Variants in NKAIN2 observed in about 807,000 individuals in gnomAD.
NKAIN2 encodes sodium/potassium-transporting ATPase subunit beta-1-interacting protein 2.
NKAIN2 carries 14 observed loss-of-function variants against 32.6 expected under a neutral mutation model. The ratio of observed to expected loss-of-function variants is 0.43; its 90% CI spans 0.28 to 0.67. NKAIN2 has a LOEUF of 0.67. Ranked by LOEUF, NKAIN2 falls within the 30% of genes least tolerant of loss-of-function variation. NKAIN2 has a pLI of 0.17. For synonymous variants in NKAIN2, 80 were observed against 87.2 expected, an observed-to-expected ratio of 0.92 and a Z score of 0.46; for missense variants, 198 against 258.3, an observed-to-expected ratio of 0.77 and a Z score of 1.60.
chr6:124,248,864 G>C (rs1020462311), intron 1 of NKAIN2, among the ~76,000 whole-genome samples: 2 of 152,086 alleles, frequency 1.3e-5, no homozygotes, highest in African/African-American at 2.4e-5. Context: ...ACAGGATAAG[G>C]AAAGGGCAAA....
chr6:124,727,095 A>G (rs994384084), intron 4 of NKAIN2, among the ~76,000 whole-genome samples: 26 of 152,274 alleles, frequency 1.7e-4, no homozygotes, highest in African/African-American at 5.1e-4. Context: ...TGTACCTGAA[A>G]GTGAAGTGGA....
At chr6:123,886,114 A>C (rs1353114040) in intron 1 of NKAIN2, among the ~76,000 whole-genome samples, 1 of 152,112 alleles carries the variant, frequency 6.6e-6, no homozygotes, top group Admixed American at 6.6e-5. Flanking sequence ...GAACAAAGGC[A>C]TGCACTTTAG....
At chr6:124,810,482 G>C (rs1427158682) in intron 5 of NKAIN2, among the ~76,000 whole-genome samples, 1 of 152,026 alleles carries the variant, frequency 6.6e-6, no homozygotes, top group Non-Finnish European at 1.5e-5. Flanking sequence ...GAGGACTGTT[G>C]TGGGGTGGGG....
At chr6:123,983,733 GTA>G (rs10589992) in intron 1 of NKAIN2, among the ~76,000 whole-genome samples, 3,125 of 80,418 alleles carry the variant, frequency 0.039, 107 homozygotes, top group African/African-American at 0.14. Context: ...CCAAGTTATG[GTA>G]TATATATATA....
chr6:123,990,286 G>C (rs752998695), intron 1 of NKAIN2, among the ~76,000 whole-genome samples: 1 of 152,264 alleles, frequency 6.6e-6, no homozygotes, highest in Admixed American at 6.5e-5. Flanking sequence ...CCAGCAAAAC[G>C]TGTAGTTTGT....
At chr6:124,461,293 C>T (rs146398970) in intron 3 of NKAIN2, among the ~76,000 whole-genome samples, 15 of 151,706 alleles carry the variant, frequency 9.9e-5, no homozygotes, top group African/African-American at 3.4e-4. Context: ...TTAATTGTGA[C>T]CGTGTGTGTG....
chr6:124,135,515 TAAAAAAAAA>T (rs56183476), intron 1 of NKAIN2, among the ~76,000 whole-genome samples: 2 of 100,408 alleles, frequency 2.0e-5, no homozygotes, highest in African/African-American at 7.9e-5. Flanking sequence ...GCAACGATAG[TAAAAAAAAA>T]AAAAAAAAAA....
At chr6:124,300,178 G>A (rs562461600) in intron 2 of NKAIN2, among the ~76,000 whole-genome samples, 2 of 152,112 alleles carry the variant, frequency 1.3e-5, no homozygotes, top group Non-Finnish European at 2.9e-5. Flanking sequence ...GTGTCAAGTG[G>A]GGGGGCCAGG....
At chr6:124,328,891 G>A (rs571216158) in intron 2 of NKAIN2, among the ~76,000 whole-genome samples, 143 of 152,234 alleles carry the variant, frequency 9.4e-4, no homozygotes, top group Non-Finnish European at 1.1e-3. Context: ...CACACCACAG[G>A]ATTCTCTTTT....
At chr6:124,380,137 C>T (rs965764797) in intron 3 of NKAIN2, among the ~76,000 whole-genome samples, 20 of 152,094 alleles carry the variant, frequency 1.3e-4, no homozygotes, top group Admixed American at 1.2e-3. Context: ...GGGCAGCCAC[C>T]GCAGCCACAC....
At chr6:124,576,448 T>C (rs947990051) in intron 3 of NKAIN2, among the ~76,000 whole-genome samples, 2 of 152,188 alleles carry the variant, frequency 1.3e-5, no homozygotes, top group African/African-American at 4.8e-5. Flanking sequence ...GTTAGAATTT[T>C]GGAAAAGTCA....
chr6:124,078,037 T>C (rs1007599771), intron 1 of NKAIN2, among the ~76,000 whole-genome samples: 2 of 152,238 alleles, frequency 1.3e-5, no homozygotes, highest in South Asian at 4.1e-4. Flanking sequence ...AATTGTATTT[T>C]TGCCTCAGTC....
chr6:124,261,088 A>C (rs1178872912), intron 1 of NKAIN2, among the ~76,000 whole-genome samples: 1 of 152,178 alleles, frequency 6.6e-6, no homozygotes, highest in Non-Finnish European at 1.5e-5. Context: ...ATAGAGATGG[A>C]AAAATAGCAT....
intron 3 of NKAIN2, among the ~76,000 whole-genome samples, chr6:124,583,864 A>C (rs753063500): frequency 6.6e-6 from 1 of 152,226 alleles, no homozygotes; most frequent in Admixed American, 6.5e-5. Context: ...TTCATTTTCC[A>C]TAAAGGTGCC....
intron 1 of NKAIN2, among the ~76,000 whole-genome samples, chr6:123,919,496 T>C (rs1297780464): frequency 6.6e-6 from 1 of 152,160 alleles, no homozygotes; most frequent in Non-Finnish European, 1.5e-5. Flanking sequence ...AGTAATTAGC[T>C]GTTGTTTAAT....
intron 4 of NKAIN2, among the ~76,000 whole-genome samples, chr6:124,748,504 G>A (rs1335078252): frequency 2.0e-5 from 3 of 151,910 alleles, no homozygotes; most frequent in African/African-American, 7.2e-5. Flanking sequence ...CCACCTGCTT[G>A]TCCCAAAGAG....
intron 3 of NKAIN2, among the ~76,000 whole-genome samples, chr6:124,625,198 T>C (rs902807645): frequency 2.0e-5 from 3 of 152,184 alleles, no homozygotes; most frequent in Non-Finnish European, 2.9e-5. Context: ...AATATGAACA[T>C]AAATTGTGAA....
At position 123,869,909 on chromosome 6, in the gene NKAIN2, G is replaced by A. The variant is rs796619973; in HGVS notation, c.54+65655G>A. The stretch of plus-strand genomic sequence containing the variant: ...AAAAATAGGCTGTCTAAATGGACTT[G>A]TGCCTGATTTTCCACAAAAGTCTTT... On this transcript the variant is annotated intron_variant, in intron 1 of 6. Transcript: ENST00000368417. Among the ~76,000 whole-genome samples the A allele has an allele frequency of 8.5e-5, 13 of 152,258 alleles. 1 individual carries two copies. Among genetic ancestry groups the A allele is most frequent in the African/African-American group, 3.1e-4 (13 of 41,558 alleles).
intron 1 of NKAIN2, among the ~76,000 whole-genome samples, chr6:124,016,151 C>G (rs1780564895): frequency 6.6e-6 from 1 of 151,982 alleles, no homozygotes; most frequent in Non-Finnish European, 1.5e-5. Context: ...AATACCAGAC[C>G]TCTCTTGGCA....
Sources: gnomAD v4.1 joint callset for allele counts (sites outside exome capture counted in the v4.1 genomes callset) on GRCh38, gnomAD v4.1.1 for gene constraint, MANE v1.5 for transcripts, NCBI Gene and HGNC (gene_info 2026-07-23, HGNC 2026-07-21) for gene names.